Variants in FBP1 observed in about 807,000 individuals in gnomAD.
The protein encoded by FBP1 is fructose-bisphosphatase 1.
In FBP1, 22 loss-of-function variants were observed where a neutral mutation model predicts 29.9. The ratio of observed to expected loss-of-function variants is 0.74; its 90% CI spans 0.53 to 1.05. The LOEUF (loss-of-function observed/expected upper bound fraction) is 1.05. FBP1 is among the 50% of genes least tolerant of loss of function. The pLI is 0.00. For synonymous variants in FBP1, 175 were observed against 178.6 expected (o/e 0.98, Z 0.16); for missense variants, 345 against 448.2 (o/e 0.77, Z 2.08).
At chr9:94,615,031 C>T (rs1827842873) in intron 3 of FBP1, among the ~76,000 whole-genome samples, 1 of 152,174 alleles carries the variant, frequency 6.6e-6, no homozygotes, top group South Asian at 2.1e-4. Context: ...GCCTCAGCCT[C>T]CCAGGTAGCT....
chr9:94,633,985 C>T (rs1380899940), intron 1 of FBP1, among the ~76,000 whole-genome samples: 3 of 150,670 alleles, frequency 2.0e-5, no homozygotes, highest in Non-Finnish European at 4.4e-5. Flanking sequence ...GGATTACAGG[C>T]GTGAGCCACC....
At chr9:94,636,336 G>A (rs991742638) in intron 1 of FBP1, among the ~76,000 whole-genome samples, 5 of 151,882 alleles carry the variant, frequency 3.3e-5, no homozygotes, top group South Asian at 4.2e-4. Flanking sequence ...AAAATTATCC[G>A]GCATGGTGGC....
chr9:94,621,031 G>T (rs1827939439), intron 1 of FBP1, among the ~76,000 whole-genome samples: 1 of 152,006 alleles, frequency 6.6e-6, no homozygotes, highest in Non-Finnish European at 1.5e-5. Context: ...GGCTAACATG[G>T]TGAAACCCCG....
intron 1 of FBP1, 92 bp from the exon 2 acceptor site, chr9:94,620,583 A>C (rs2131489802): frequency 1.6e-6 from 2 of 1,273,334 alleles, no homozygotes; most frequent in East Asian, 4.9e-5. Flanking sequence ...GTTCGGTAAG[A>C]TTTAGAAGAA....
chr9:94,636,758 G>A (rs968779155), intron 1 of FBP1, among the ~76,000 whole-genome samples: 44 of 152,040 alleles, frequency 2.9e-4, no homozygotes, highest in African/African-American at 9.9e-4. Context: ...GCACGATCTG[G>A]GCTCACTGCA....
chr9:94,635,227 C>T (rs1030916072), intron 1 of FBP1, among the ~76,000 whole-genome samples: 3 of 152,210 alleles, frequency 2.0e-5, no homozygotes, highest in Non-Finnish European at 4.4e-5. Context: ...CCTGAGATCC[C>T]GGCCACAGGC....
At chr9:94,606,586 C>T (rs1827703485) in intron 5 of FBP1, among the ~76,000 whole-genome samples, 1 of 152,234 alleles carries the variant, frequency 6.6e-6, no homozygotes, top group Non-Finnish European at 1.5e-5. Flanking sequence ...AGAACTTCAT[C>T]GTGGGCTCAG....
upstream of FBP1, chr9:94,639,561 G>C: frequency 1.7e-6 from 1 of 583,696 alleles, no homozygotes; most frequent in South Asian, 2.0e-5. Context: ...TTAGACGCGG[G>C]TCGGCCCCCC....
rs1431962892 is a variant in FBP1, at chr9:94,639,155, C to G, written c.156G>C (p.Ala52=). Residue 52 remains alanine, a synonymous_variant, in exon 1 of 7, where the codon GCG becomes GCC. Coordinates refer to ENST00000375326, the MANE Select transcript of FBP1 (RefSeq NM_000507.4). ...VKAISSAVRK[A]GIAHLYGIAG... The stretch of plus-strand genomic sequence containing the variant: ...GCCCGACTCACAGGTGCGCGATGCC[C>G]GCCTTGCGCACCGCCGAAGAGATGG... 1.9e-6 allele frequency: 3 copies of G among 1,602,160 alleles called. No homozygotes were observed. The East Asian group carries it at 6.8e-5, about 36-fold the overall frequency.
At chr9:94,615,830 C>CTT (rs5741695) in intron 3 of FBP1, among the ~76,000 whole-genome samples, 6,078 of 140,482 alleles carry the variant, frequency 0.043, 477 homozygotes, top group African/African-American at 0.15. Flanking sequence ...GGTCTCAGTT[C>CTT]TTTTTTTTTT....
At chr9:94,639,102 A>G (rs751449760) in intron 1 of FBP1, 39 bp downstream of exon 1, 4 of 1,562,678 alleles carry the variant, frequency 2.6e-6, no homozygotes, top group Non-Finnish European at 3.5e-6. Context: ...CCCCAGGCAG[A>G]CAGACAGGAC....
chr9:94,610,313 T>C (rs937468264), intron 3 of FBP1, among the ~76,000 whole-genome samples: 3 of 152,228 alleles, frequency 2.0e-5, no homozygotes, highest in African/African-American at 7.2e-5. Context: ...TCTAATGTGA[T>C]ATTCCCTCAT....
intron 1 of FBP1, among the ~76,000 whole-genome samples, chr9:94,625,955 C>G (rs1399012149): frequency 6.6e-6 from 1 of 152,162 alleles, no homozygotes; most frequent in Non-Finnish European, 1.5e-5. Context: ...CCTTTAGCAC[C>G]TGCATGGATG....
chr9:94,610,949 C>T (rs1587855574), intron 3 of FBP1, among the ~76,000 whole-genome samples: 3 of 151,926 alleles, frequency 2.0e-5, no homozygotes, highest in Admixed American at 1.3e-4. Context: ...CTGCAAGCTC[C>T]GCCTCGCGGG....
intron 6 of FBP1, 130 bp from the exon 7 acceptor site, chr9:94,603,702 T>C (rs1286645497): frequency 1.3e-5 from 11 of 869,624 alleles, no homozygotes; most frequent in Non-Finnish European, 2.1e-5. Flanking sequence ...TTTTCCTTCC[T>C]GTGAGGCTGT....
At chr9:94,608,551 C>G (rs1263197275) in intron 4 of FBP1, among the ~76,000 whole-genome samples, 1 of 152,168 alleles carries the variant, frequency 6.6e-6, no homozygotes, top group African/African-American at 2.4e-5. Context: ...CAGTGGTGCC[C>G]GAAATTCCAT....
intron 1 of FBP1, among the ~76,000 whole-genome samples, chr9:94,621,212 TCAAAAAAAAAAAAAAAAA>T (rs1827943364): frequency 4.3e-5 from 1 of 23,144 alleles, no homozygotes; most frequent in African/African-American, 2.1e-4. Flanking sequence ...AGACTCCGTC[TCAAAAAAAAAAAAAAAAA>T]AAAAAAATAC....
At chr9:94,626,086 C>A (rs1243820797) in intron 1 of FBP1, among the ~76,000 whole-genome samples, 1 of 152,216 alleles carries the variant, frequency 6.6e-6, no homozygotes, top group Non-Finnish European at 1.5e-5. Context: ...TTGGGAACGC[C>A]TCTTCTCTTT....
Position 94,612,637 on chromosome 9 carries a change from A to G in FBP1, c.427-2576T>C, listed in dbSNP as rs113198499. Among the ~76,000 whole-genome samples, 1,188 of 147,362 alleles carry G rather than the reference A, an allele frequency of 8.1e-3. 20 individuals carry two copies. Among genetic ancestry groups the G allele is most frequent in the African/African-American group, 0.029 (1,139 of 39,416 alleles). On this transcript the variant is annotated intron_variant, in intron 3 of 6. Coordinates refer to ENST00000375326, the MANE Select transcript of FBP1 (RefSeq NM_000507.4). ...AGTGGCACAATCTTGGCTCACTACAACCTCCACCTCTTGGGTTCAAGTGAT... is the reference window on the plus strand; with the variant it reads ...AGTGGCACAATCTTGGCTCACTACAGCCTCCACCTCTTGGGTTCAAGTGAT...
Sources: gnomAD v4.1 joint callset for allele counts (sites outside exome capture counted in the v4.1 genomes callset) on GRCh38, gnomAD v4.1.1 for gene constraint, MANE v1.5 for transcripts, NCBI Gene and HGNC (gene_info 2026-07-23, HGNC 2026-07-21) for gene names.